ARHGAP20: variants seen among roughly 807,000 people sequenced by gnomAD.
ARHGAP20 encodes the protein rho GTPase-activating protein 20.
In ARHGAP20, 34 loss-of-function variants were observed where a neutral mutation model predicts 73.7. The observed-to-expected ratio is 0.46, with a 90% CI of 0.35 to 0.61. ARHGAP20 has a LOEUF of 0.61. ARHGAP20 is among the 20% of genes least tolerant of loss of function. The probability of loss-of-function intolerance (pLI) is 0.00; values close to 1 mark genes in which losing one functional copy is unlikely to be tolerated. For missense variants in ARHGAP20, 1,314 were observed against 1,420.9 expected (o/e 0.92, Z 1.21); for synonymous variants, 523 against 518.2 (o/e 1.01, Z -0.13).
At chr11:110,700,997 C>A (rs968676181) in intron 1 of ARHGAP20, among the ~76,000 whole-genome samples, 38 of 150,890 alleles carry the variant, frequency 2.5e-4, no homozygotes, top group African/African-American at 8.8e-4. Context: ...CATTGTTGGA[C>A]ATTTGGGTTG....
intron 9 of ARHGAP20, among the ~76,000 whole-genome samples, chr11:110,598,716 G>A (rs544771657): frequency 6.6e-6 from 1 of 152,274 alleles, no homozygotes; most frequent in South Asian, 2.1e-4. Context: ...GCTGTAGTGG[G>A]GAGGCATGGC....
chr11:110,655,579 G>T (rs1591144846), intron 2 of ARHGAP20, among the ~76,000 whole-genome samples: 1 of 152,216 alleles, frequency 6.6e-6, no homozygotes, highest in East Asian at 1.9e-4. Context: ...TTATGATTAT[G>T]AATATCTATC....
intron 11 of ARHGAP20, 62 bp from the exon 12 acceptor site, chr11:110,586,387 G>T: frequency 9.6e-7 from 1 of 1,038,748 alleles, no homozygotes; most frequent in Non-Finnish European, 1.4e-6. Flanking sequence ...ATGTATTAGA[G>T]AAAGTAGAAG....
rs111989729 is a variant in ARHGAP20, at chr11:110,579,622, T to C, written c.3324A>G (p.Gln1108=). The C allele has an allele frequency of 1.1e-5, 17 of 1,614,160 alleles. No homozygotes were observed. In the African/African-American group the frequency reaches 1.9e-4, roughly 18 times the overall value. Reference sequence around the variant, plus strand: ...CCTGGAAGGGAGAAGAACTACACCTTTGGGCTGACTGCACAGGGGACAGTC... The same window carrying C: ...CCTGGAAGGGAGAAGAACTACACCTCTGGGCTGACTGCACAGGGGACAGTC... ...AEGLSPVQSA[Q]RCSSSPFQDS... Residue 1108 remains glutamine (Q), a synonymous_variant, in exon 15 of 15, where the codon CAA becomes CAG. Transcript: ENST00000683387.
intron 2 of ARHGAP20, among the ~76,000 whole-genome samples, chr11:110,644,329 A>G (rs1186098205): frequency 7.2e-5 from 11 of 152,180 alleles, no homozygotes; most frequent in Admixed American, 7.2e-4. Context: ...CAAAACAAAA[A>G]AAGACACGAA....
chr11:110,578,884 G>A lies in ARHGAP20; in HGVS notation c.*486C>T. ...GATTTAGGGAAAGATTTTATATGATGTTCTTCATTACTGGACACACTTAAT... is the reference window on the plus strand; with the variant it reads ...GATTTAGGGAAAGATTTTATATGATATTCTTCATTACTGGACACACTTAAT... On this transcript the variant is annotated 3_prime_UTR_variant, in exon 15 of 15. Transcript: ENST00000683387. 1 of 985,726 alleles carries A rather than the reference G, an allele frequency of 1.0e-6. No homozygotes were observed. The highest frequency in any genetic ancestry group is 1.2e-6 in the Non-Finnish European group (1 of 830,110). 61.1% of individuals were successfully genotyped at this position (985,726 alleles called of 1,614,324 possible). A position where few individuals can be genotyped will look rare whatever the true frequency, so the allele number is the denominator to read the frequency against.
At chr11:110,675,619 G>A (rs1591166680) in intron 2 of ARHGAP20, among the ~76,000 whole-genome samples, 1 of 152,206 alleles carries the variant, frequency 6.6e-6, no homozygotes, top group South Asian at 2.1e-4. Context: ...TCACAGTAGG[G>A]ATTGTGCTCC....
chr11:110,603,946 T>C (rs1406275531), intron 9 of ARHGAP20, among the ~76,000 whole-genome samples: 1 of 152,192 alleles, frequency 6.6e-6, no homozygotes, highest in Non-Finnish European at 1.5e-5. Flanking sequence ...TAACTTTAAA[T>C]TCCAACTAAG....
chr11:110,613,324 C>A (rs1025456495), intron 6 of ARHGAP20, among the ~76,000 whole-genome samples: 1 of 152,194 alleles, frequency 6.6e-6, no homozygotes, highest in African/African-American at 2.4e-5. Context: ...ATGCTTCCCA[C>A]ACATGCACTC....
intron 2 of ARHGAP20, among the ~76,000 whole-genome samples, chr11:110,678,760 A>G (rs1949982353): frequency 6.6e-6 from 1 of 152,130 alleles, no homozygotes; most frequent in Non-Finnish European, 1.5e-5. Context: ...TCCTGAGCTC[A>G]AGCAATCCTC....
intron 2 of ARHGAP20, among the ~76,000 whole-genome samples, chr11:110,675,153 T>G (rs1236261893): frequency 6.6e-6 from 1 of 152,202 alleles, no homozygotes; most frequent in East Asian, 1.9e-4. Context: ...ATGGTCTACC[T>G]GCCTTGTCTG....
rs186568956 is a variant in ARHGAP20 at position 110,596,313 on chromosome 11, G to A, written c.965-4158C>T. ...ACAAATGGGATCTAATTAAACTAAA[G>A]AGCTTCTGCACAGCAAAAGAAACTA... is the stretch of plus-strand genomic sequence containing the variant. On this transcript the variant is annotated intron_variant, in intron 9 of 14. Transcript: ENST00000683387. 7.1e-4 allele frequency among the ~76,000 whole-genome samples: 106 copies of A among 150,298 alleles called. No individual in the cohort carries two copies. In the South Asian group the frequency reaches 0.014, roughly 19 times the overall value.
intron 2 of ARHGAP20, among the ~76,000 whole-genome samples, chr11:110,660,215 G>A (rs1057225408): frequency 1.4e-4 from 22 of 152,048 alleles, no homozygotes; most frequent in African/African-American, 4.3e-4. Flanking sequence ...TAAAATCGGC[G>A]TTTCTAACTT....
In ARHGAP20 at chr11:110,590,014, A is replaced by G. The variant is rs190741213; in HGVS notation, c.1305+634T>C. On this transcript the variant is annotated intron_variant, in intron 11 of 14. Coordinates refer to ENST00000683387, the MANE Select transcript of ARHGAP20 (RefSeq NM_001384657.1). ...TGCAGGCTTGTAATCCCAGCTACTC[A>G]GGAGGCTGAGGCAGGAGAATCACTT... Among the ~76,000 whole-genome samples the G allele has an allele frequency of 5.0e-3, 755 of 151,734 alleles. 7 individuals carry two copies. The highest frequency in any genetic ancestry group is 0.017 in the African/African-American group (718 of 41,368).
At chr11:110,680,172 T>C (rs1950011096) in intron 2 of ARHGAP20, among the ~76,000 whole-genome samples, 1 of 152,192 alleles carries the variant, frequency 6.6e-6, no homozygotes, top group South Asian at 2.1e-4. Context: ...TTTAATCCCC[T>C]ATGAAGTCAT....
intron 3 of ARHGAP20, among the ~76,000 whole-genome samples, chr11:110,629,343 G>C (rs1948814087): frequency 6.6e-6 from 1 of 152,152 alleles, no homozygotes; most frequent in Non-Finnish European, 1.5e-5. Context: ...TTGGGGGATT[G>C]TTAGGATAAT....
intron 2 of ARHGAP20, among the ~76,000 whole-genome samples, chr11:110,650,525 T>C (rs1949326532): frequency 6.6e-6 from 1 of 152,074 alleles, no homozygotes; most frequent in South Asian, 2.1e-4. Flanking sequence ...CTCTCTTGAG[T>C]GGAGGCAGAC....
At chr11:110,688,542 T>A (rs542588982) in intron 2 of ARHGAP20, among the ~76,000 whole-genome samples, 2 of 152,326 alleles carry the variant, frequency 1.3e-5, no homozygotes, top group African/African-American at 4.8e-5. Flanking sequence ...TATTTTTACA[T>A]CTATAGTAGA....
intron 4 of ARHGAP20, among the ~76,000 whole-genome samples, chr11:110,623,060 T>G (rs1227271773): frequency 6.6e-6 from 1 of 151,754 alleles, no homozygotes. Context: ...TGAAAATATC[T>G]AGAGAAATCT....
Sources: allele counts gnomAD v4.1 joint callset (sites outside exome capture counted in the v4.1 genomes callset), GRCh38; gene constraint gnomAD v4.1.1; transcripts MANE v1.5; gene names NCBI Gene and HGNC (gene_info 2026-07-23, HGNC 2026-07-21).